ATG10: variants seen among roughly 807,000 people sequenced by gnomAD.
ATG10 encodes autophagy related 10, also known as ubiquitin-like-conjugating enzyme ATG10.
ATG10 carries 30 observed loss-of-function variants against 32.1 expected under a neutral mutation model. That is an observed-to-expected ratio of 0.94 (90% confidence interval 0.70 to 1.27). The LOEUF (loss-of-function observed/expected upper bound fraction) is 1.27, where lower values mean the gene tolerates loss of function less well. ATG10 is among the 50% of genes most tolerant of loss of function. ATG10 has a pLI of 0.00. For synonymous variants in ATG10, 87 were observed against 91.5 expected (o/e 0.95, Z 0.28); for missense variants, 233 against 262.3 (o/e 0.89, Z 0.77).
rs115856750 is a variant in ATG10 at position 82,006,113 on chromosome 5, A to G, written c.108+18435A>G. ...CTGATTTTTATGATTTCTTCTTTTCAGTAGCTTTTCTCTTTCATATTACTT... is the reference window on the plus strand; with the variant it reads ...CTGATTTTTATGATTTCTTCTTTTCGGTAGCTTTTCTCTTTCATATTACTT... On this transcript the variant is annotated intron_variant, in intron 2 of 7. Transcript: ENST00000282185. Among the ~76,000 whole-genome samples the G allele has an allele frequency of 1.3e-3, 200 of 152,184 alleles. 1 individual carries two copies. Among genetic ancestry groups the G allele is most frequent in the African/African-American group, 4.5e-3 (188 of 41,542 alleles).
At chr5:82,044,755 G>T (rs1763187412) in intron 2 of ATG10, among the ~76,000 whole-genome samples, 1 of 152,012 alleles carries the variant, frequency 6.6e-6, no homozygotes, top group Admixed American at 6.6e-5. Flanking sequence ...CTCACTGGTG[G>T]GAATATGAAC....
intron 2 of ATG10, among the ~76,000 whole-genome samples, chr5:82,006,253 C>T (rs967142523): frequency 6.6e-6 from 1 of 152,142 alleles, no homozygotes; most frequent in Non-Finnish European, 1.5e-5. Flanking sequence ...CCACCATGGA[C>T]CTTCCCATCA....
Position 82,111,388 on chromosome 5 carries a change from C to G in ATG10, c.216+52786C>G, listed in dbSNP as rs1765617452. ...CGGATGTCTTCTGTTATGTGGTATA[C>G]AGACATCTTGCTTATGCAGACTGCT... On this transcript the variant is annotated intron_variant, in intron 3 of 7. Coordinates refer to ENST00000282185, the MANE Select transcript of ATG10 (RefSeq NM_031482.5). 3.3e-5 allele frequency: 5 copies of G among 151,944 alleles called. No individual in the cohort carries two copies. In the Admixed American group the frequency reaches 3.3e-4, roughly 10 times the overall value. 9.4% of individuals were successfully genotyped at this position (151,944 alleles called of 1,614,324 possible). A position where few individuals can be genotyped will look rare whatever the true frequency, so the allele number is the denominator to read the frequency against.
intron 5 of ATG10, among the ~76,000 whole-genome samples, chr5:82,198,546 C>G (rs1378117163): frequency 6.6e-6 from 1 of 152,172 alleles, no homozygotes; most frequent in African/African-American, 2.4e-5. Flanking sequence ...AGGTGTGAGG[C>G]ACCAAGGCAG....
intron 1 of ATG10, among the ~76,000 whole-genome samples, chr5:81,983,823 C>A (rs1445697109): frequency 2.0e-5 from 3 of 151,158 alleles, no homozygotes; most frequent in African/African-American, 4.9e-5. Context: ...ACCTCCCAGA[C>A]GGGGTCGTGG....
chr5:82,022,700 T>C (rs920559929), intron 2 of ATG10, among the ~76,000 whole-genome samples: 11 of 151,506 alleles, frequency 7.3e-5, no homozygotes, highest in Admixed American at 3.9e-4. Context: ...TATTTACATA[T>C]ATCTCATTTA....
chr5:82,130,525 G>C (rs1161563434), intron 3 of ATG10, among the ~76,000 whole-genome samples: 1 of 152,142 alleles, frequency 6.6e-6, no homozygotes, highest in Admixed American at 6.6e-5. Flanking sequence ...ACCGTGGGAA[G>C]AGTGTAGTAT....
At chr5:82,009,846 A>C (rs1169765663) in intron 2 of ATG10, 15 of 1,608,806 alleles carry the variant, frequency 9.3e-6, no homozygotes, top group Non-Finnish European at 1.7e-6. Flanking sequence ...CTCATCTTCA[A>C]ATTTCTCCCC....
intron 2 of ATG10, among the ~76,000 whole-genome samples, chr5:81,993,324 T>TTTCCTTCCTTCCTTCCTTCC (rs1482074846): frequency 1.9e-5 from 2 of 103,268 alleles, no homozygotes; most frequent in African/African-American, 8.4e-5. Flanking sequence ...TCTTTCTTTC[T>TTTCCTTCCTTCCTTCCTTCC]TTCCTTCCTT....
intron 3 of ATG10, among the ~76,000 whole-genome samples, chr5:82,118,651 T>G (rs1187306430): frequency 6.6e-6 from 1 of 151,676 alleles, no homozygotes; most frequent in African/African-American, 2.4e-5. Flanking sequence ...GGACATCCAC[T>G]TGGAGATATG....
chr5:82,002,944 C>CA (rs1471321523), intron 2 of ATG10, among the ~76,000 whole-genome samples: 1 of 151,772 alleles, frequency 6.6e-6, no homozygotes, highest in Non-Finnish European at 1.5e-5. Flanking sequence ...AATAAAAGTT[C>CA]AAAAAAACGA....
chr5:82,021,281 G>T (rs754836511), intron 2 of ATG10, among the ~76,000 whole-genome samples: 1 of 152,186 alleles, frequency 6.6e-6, no homozygotes, highest in Non-Finnish European at 1.5e-5. Flanking sequence ...GCTGACCAGG[G>T]TATGTGGAGG....
intron 4 of ATG10, among the ~76,000 whole-genome samples, chr5:82,177,306 C>A (rs993319889): frequency 6.6e-6 from 1 of 152,086 alleles, no homozygotes; most frequent in African/African-American, 2.4e-5. Flanking sequence ...GTCCAGATTC[C>A]AAATCTAGTG....
intron 3 of ATG10, among the ~76,000 whole-genome samples, chr5:82,074,773 C>G (rs903239163): frequency 6.6e-6 from 1 of 152,142 alleles, no homozygotes; most frequent in East Asian, 1.9e-4. Flanking sequence ...TTTCCAGTCC[C>G]TTAACTTGAA....
intron 3 of ATG10, among the ~76,000 whole-genome samples, chr5:82,097,286 A>G (rs1330875132): frequency 1.3e-5 from 2 of 152,196 alleles, no homozygotes; most frequent in Non-Finnish European, 2.9e-5. Context: ...CCAGAACCCA[A>G]ATATTCCTGA....
intron 3 of ATG10, among the ~76,000 whole-genome samples, chr5:82,061,485 C>T (rs1274386275): frequency 3.3e-5 from 5 of 151,812 alleles, no homozygotes; most frequent in African/African-American, 1.2e-4. Flanking sequence ...CAGATTGCTT[C>T]CTTAGACTGT....
intron 3 of ATG10, among the ~76,000 whole-genome samples, chr5:82,124,922 C>G (rs1766199017): frequency 6.6e-6 from 1 of 152,172 alleles, no homozygotes; most frequent in Non-Finnish European, 1.5e-5. Context: ...TAAAAGCATT[C>G]CTATTTCTCC....
intron 3 of ATG10, among the ~76,000 whole-genome samples, chr5:82,144,351 C>T (rs1038819738): frequency 1.3e-5 from 2 of 151,424 alleles, no homozygotes; most frequent in Non-Finnish European, 2.9e-5. Context: ...TTGTTATTTC[C>T]TTTCTTTTAT....
chr5:82,244,556 C>G (rs564717472), intron 5 of ATG10, among the ~76,000 whole-genome samples: 2 of 152,216 alleles, frequency 1.3e-5, no homozygotes, highest in South Asian at 4.1e-4. Context: ...GAGGGAGATA[C>G]CTGTCTCCAT....
Sources: allele counts gnomAD v4.1 joint callset (sites outside exome capture counted in the v4.1 genomes callset), GRCh38; gene constraint gnomAD v4.1.1; transcripts MANE v1.5; gene names NCBI Gene and HGNC (gene_info 2026-07-23, HGNC 2026-07-21).